The following VRK1 variants were observed in gnomAD, a reference collection of about 807,000 sequenced individuals.
VRK1 encodes the protein VRK serine/threonine kinase 1.
Under a neutral mutation model 57.1 loss-of-function variants are expected in VRK1, and 33 were observed. That is an observed-to-expected ratio of 0.58 (90% CI 0.44 to 0.77). The LOEUF is 0.77. Among genes scored for constraint, VRK1 ranks in the 30% least tolerant of loss-of-function variants. The pLI is 0.00. For missense variants in VRK1, 413 were observed against 477.3 expected, an observed-to-expected ratio of 0.87 and a Z score of 1.25; for synonymous variants, 137 against 147.8, an observed-to-expected ratio of 0.93 and a Z score of 0.53.
chr14:96,855,089 AATT>A (rs1223935225), intron 7 of VRK1, 132 bp from the exon 8 acceptor site: 1 of 1,253,458 alleles, frequency 8.0e-7, no homozygotes, highest in East Asian at 2.4e-5. Context: ...TTTGGATCTA[AATT>A]GTTTGGAGTG....
At chr14:96,827,228 C>T (rs1345080926) in intron 1 of VRK1, among the ~76,000 whole-genome samples, 1 of 152,034 alleles carries the variant, frequency 6.6e-6, no homozygotes, top group Non-Finnish European at 1.5e-5. Flanking sequence ...CCTCTCAACT[C>T]CAAATTCACC....
intron 1 of VRK1, among the ~76,000 whole-genome samples, chr14:96,802,222 G>T (rs1175107319): frequency 1.3e-5 from 2 of 152,040 alleles, no homozygotes; most frequent in Non-Finnish European, 2.9e-5. Flanking sequence ...AAAGTTAAAC[G>T]TACATTTGAC....
chr14:96,828,243 A>G (rs1480030489), intron 1 of VRK1, among the ~76,000 whole-genome samples: 1 of 152,226 alleles, frequency 6.6e-6, no homozygotes, highest in Non-Finnish European at 1.5e-5. Flanking sequence ...GGACATGTAC[A>G]TGCATAGAAG....
rs557145048 is a variant in VRK1, at chr14:96,833,340, T to C, written c.-5-127T>C. 205 of 990,836 alleles carry C rather than the reference T, an allele frequency of 2.1e-4. 1 individual carries two copies. In the African/African-American group the frequency reaches 3.1e-3, roughly 15 times the overall value. The allele number at this position is 990,836 out of a possible 1,614,324, so 61.4% of individuals were successfully genotyped here. A position where few individuals can be genotyped will look rare whatever the true frequency, so the allele number is the denominator to read the frequency against. ...GCCATTATAAGTCAGAATTAACAGGTATCCTTTAAGTTTTGGAGTAAGTAG... is the reference window on the plus strand; with the variant it reads ...GCCATTATAAGTCAGAATTAACAGGCATCCTTTAAGTTTTGGAGTAAGTAG... On this transcript the variant is annotated intron_variant, in intron 1 of 12. Transcript: ENST00000216639.
Position 96,851,296 on chromosome 14 carries a change from G to A in VRK1, c.375-1535G>A, listed in dbSNP as rs143617606. Reference sequence around the variant, plus strand: ...GCTGGAATTACAGGTTCCTGCCACCGTGCCCGGCTAATTTTTGTGTTTTTA... The same window carrying A: ...GCTGGAATTACAGGTTCCTGCCACCATGCCCGGCTAATTTTTGTGTTTTTA... On this transcript the variant is annotated intron_variant, in intron 5 of 12. Transcript: ENST00000216639. Among the ~76,000 whole-genome samples the A allele has an allele frequency of 3.9e-5, 6 of 151,924 alleles. No homozygotes were observed. The East Asian group carries it at 1.2e-3, about 29-fold the overall frequency.
intron 1 of VRK1, among the ~76,000 whole-genome samples, chr14:96,829,521 G>GCATTTTTACCTTTACC (rs1228817936): frequency 6.6e-6 from 1 of 152,060 alleles, no homozygotes; most frequent in Admixed American, 6.6e-5. Context: ...TCCAAGTACA[G>GCATTTTTACCTTTACC]CATTTTTACC....
chr14:96,856,989 G>T (rs913376693), intron 10 of VRK1, among the ~76,000 whole-genome samples: 1 of 151,852 alleles, frequency 6.6e-6, no homozygotes, highest in Non-Finnish European at 1.5e-5. Context: ...TATGTTAGAT[G>T]GTTTGTTAAA....
rs1444044161 is a variant in VRK1, at chr14:96,877,422, C to T, written c.1159+1302C>T. 6.3e-6 allele frequency: 7 copies of T among 1,106,598 alleles called. No individual in the cohort carries two copies. In the Admixed American group the frequency reaches 7.0e-5, roughly 11 times the overall value. The allele number at this position is 1,106,598 out of a possible 1,614,324, so 68.5% of individuals were successfully genotyped here. A position where few individuals can be genotyped will look rare whatever the true frequency, so the allele number is the denominator to read the frequency against. ...AAGGCGAGAGGTTTTGAAGTAGTCC[C>T]TCTCTTTTTCCCGCTGCTGTCTTCC... On this transcript the variant is annotated intron_variant, in intron 12 of 12. Transcript: ENST00000216639.
rs761286112 is a variant in VRK1, at chr14:96,856,590, G to C, written c.889+4G>C. The C allele has an allele frequency of 1.9e-6, 3 of 1,612,486 alleles. No homozygotes were observed. Among genetic ancestry groups the C allele is most frequent in the Non-Finnish European group, 2.5e-6 (3 of 1,178,616 alleles). On this transcript the variant is annotated splice_donor_region_variant and intron_variant, in intron 10 of 12. Transcript: ENST00000216639. ...TTTCCTGAGAAAAACAAACCAGGTA[G>C]GAAATGACTTCTTCAGTGTTAATAG...
At chr14:96,871,337 T>G (rs1036152293) in intron 11 of VRK1, among the ~76,000 whole-genome samples, 23 of 152,178 alleles carry the variant, frequency 1.5e-4, no homozygotes, top group Admixed American at 1.3e-4. Context: ...AGGAGAGAGA[T>G]CTAAATTTAA....
chr14:96,827,896 T>C (rs1287042669), intron 1 of VRK1, among the ~76,000 whole-genome samples: 6 of 152,212 alleles, frequency 3.9e-5, no homozygotes. Flanking sequence ...TTGATTACTT[T>C]CTATAACATG....
rs916047691 is a variant in VRK1, at chr14:96,797,445, A to T, written c.-8A>T. The T allele has an allele frequency of 5.3e-5, 8 of 152,038 alleles. No individual in the cohort carries two copies. The highest frequency in any genetic ancestry group is 1.7e-4 in the African/African-American group (7 of 41,398). 9.4% of individuals were successfully genotyped at this position (152,038 alleles called of 1,614,324 possible). On this transcript the variant is annotated splice_region_variant and 5_prime_UTR_variant, in exon 1 of 13. Transcript: ENST00000216639. ...GCAGAACGCGACGGGTCTGCGGCTT[A>T]GGGTAGGGAGGCCGCAGGCGACACG...
intron 1 of VRK1, among the ~76,000 whole-genome samples, chr14:96,798,427 G>A (rs1182169621): frequency 1.3e-5 from 2 of 152,176 alleles, no homozygotes; most frequent in Non-Finnish European, 2.9e-5. Context: ...ACTCATTTTT[G>A]TTTTCCTTTG....
intron 7 of VRK1, among the ~76,000 whole-genome samples, chr14:96,853,892 G>A (rs1453724894): frequency 6.6e-6 from 1 of 152,090 alleles, no homozygotes; most frequent in Non-Finnish European, 1.5e-5. Context: ...CATTTTAAAT[G>A]TGTTTGGGTA....
At chr14:96,836,075 C>T (rs569594525) in intron 2 of VRK1, among the ~76,000 whole-genome samples, 1 of 152,214 alleles carries the variant, frequency 6.6e-6, no homozygotes, top group Non-Finnish European at 1.5e-5. Context: ...GTCTGTGCTT[C>T]AGCCGTCTTG....
At chr14:96,805,668 A>G (rs1363331286) in intron 1 of VRK1, among the ~76,000 whole-genome samples, 9 of 152,254 alleles carry the variant, frequency 5.9e-5, no homozygotes, top group Non-Finnish European at 1.3e-4. Flanking sequence ...CTAGAAATCA[A>G]TGCATTTCTG....
intron 1 of VRK1, among the ~76,000 whole-genome samples, chr14:96,823,546 C>T (rs1366284185): frequency 1.3e-5 from 2 of 152,170 alleles, no homozygotes; most frequent in Admixed American, 6.5e-5. Flanking sequence ...ATCAGGAACA[C>T]GTTGGTATTA....
At chr14:96,802,257 G>A (rs893803792) in intron 1 of VRK1, among the ~76,000 whole-genome samples, 2 of 152,112 alleles carry the variant, frequency 1.3e-5, no homozygotes, top group South Asian at 2.1e-4. Context: ...TTGCACTCCT[G>A]AGCCTTTATC....
intron 10 of VRK1, 127 bp from the exon 11 acceptor site, chr14:96,860,430 G>T: frequency 1.1e-6 from 1 of 883,098 alleles, no homozygotes; most frequent in Non-Finnish European, 1.7e-6. Context: ...TGAAGTGATT[G>T]AAAAAAATAG....
Sources: gnomAD v4.1 joint callset for allele counts (sites outside exome capture counted in the v4.1 genomes callset) on GRCh38, gnomAD v4.1.1 for gene constraint, MANE v1.5 for transcripts, NCBI Gene and HGNC (gene_info 2026-07-23, HGNC 2026-07-21) for gene names.